Variants in CDH4 observed in about 807,000 individuals in gnomAD.
The protein encoded by CDH4 is cadherin 4, also known as cadherin-4.
CDH4 carries 33 observed loss-of-function variants against 86.0 expected under a neutral mutation model. The observed-to-expected ratio is 0.38, with a 90% CI of 0.29 to 0.51. The LOEUF is 0.51. Among genes scored for constraint, CDH4 ranks in the 20% least tolerant of loss-of-function variants. The pLI is 0.86. For synonymous variants in CDH4, 555 were observed against 549.4 expected, an observed-to-expected ratio of 1.01 and a Z score of -0.14; for missense variants, 1,114 against 1,307.4, an observed-to-expected ratio of 0.85 and a Z score of 2.28.
At chr20:61,635,268 G>A (rs1027181045) in intron 2 of CDH4, among the ~76,000 whole-genome samples, 1 of 152,186 alleles carries the variant, frequency 6.6e-6, no homozygotes, top group African/African-American at 2.4e-5. Context: ...GATGCACAAG[G>A]CGTCCCCTTT....
chr20:61,316,348 C>T (rs781263581), intron 2 of CDH4, among the ~76,000 whole-genome samples: 8 of 152,226 alleles, frequency 5.3e-5, no homozygotes, highest in South Asian at 2.1e-4. Flanking sequence ...AGATAGAGAC[C>T]GCCGCGCTGA....
At chr20:61,387,425 CACAGCCACACAAACAGAGAA>C (rs1263062855) in intron 2 of CDH4, among the ~76,000 whole-genome samples, 4 of 151,286 alleles carry the variant, frequency 2.6e-5, no homozygotes, top group African/African-American at 7.4e-5. Flanking sequence ...CACAGAGACA[CACAGCCACACAAACAGAGAA>C]ACACACAGCC....
At chr20:61,427,820 G>A (rs562983123) in intron 2 of CDH4, among the ~76,000 whole-genome samples, 2 of 152,154 alleles carry the variant, frequency 1.3e-5, no homozygotes, top group Middle Eastern at 3.4e-3. Flanking sequence ...AGGACCTCCA[G>A]TTACCATATG....
chr20:61,690,448 G>A (rs926658336), intron 2 of CDH4, among the ~76,000 whole-genome samples: 7 of 152,174 alleles, frequency 4.6e-5, no homozygotes, highest in Non-Finnish European at 8.8e-5. Flanking sequence ...CCAGGAGGGA[G>A]GGGCTACAGG....
At chr20:61,585,643 A>ATGATGG (rs1226524145) in intron 2 of CDH4, among the ~76,000 whole-genome samples, 2 of 151,512 alleles carry the variant, frequency 1.3e-5, no homozygotes, top group South Asian at 2.1e-4. Flanking sequence ...GATGGTGATG[A>ATGATGG]TGATGGTGAT....
intron 2 of CDH4, among the ~76,000 whole-genome samples, chr20:61,295,133 C>T (rs897914398): frequency 6.6e-6 from 1 of 152,164 alleles, no homozygotes; most frequent in Admixed American, 6.5e-5. Flanking sequence ...AACACATTTG[C>T]ATGTATTGAT....
rs1401861817 is a variant in CDH4, at chr20:61,377,861, C to G, written c.169+122924C>G. ...GTAGCAGAAGGGAGATCAATGCAGC[C>G]CTGCCAATTAGCGGGGAATTAGCTC... On this transcript the variant is annotated intron_variant, in intron 2 of 15. Coordinates refer to ENST00000614565, the MANE Select transcript of CDH4 (RefSeq NM_001794.5). The surrounding 1 kb of genome is among the most constrained non-coding windows in gnomAD (Gnocchi z 4.0). Among the ~76,000 whole-genome samples, 1 of 152,214 alleles carries G rather than the reference C, an allele frequency of 6.6e-6. No individual in the cohort carries two copies. Among genetic ancestry groups the G allele is most frequent in the Admixed American group, 6.5e-5 (1 of 15,292 alleles).
chr20:61,433,117 G>A (rs994000129), intron 2 of CDH4, among the ~76,000 whole-genome samples: 36 of 152,134 alleles, frequency 2.4e-4, no homozygotes, highest in Admixed American at 7.9e-4. Context: ...AGGATTAAAG[G>A]CATGAGCCAC....
intron 2 of CDH4, among the ~76,000 whole-genome samples, chr20:61,672,647 C>T (rs1304666622): frequency 2.6e-5 from 4 of 152,088 alleles, no homozygotes; most frequent in South Asian, 2.1e-4. Flanking sequence ...AAGTCTGAGC[C>T]GAGTCTCTGG....
intron 2 of CDH4, among the ~76,000 whole-genome samples, chr20:61,550,409 C>T (rs903424145): frequency 6.6e-6 from 1 of 152,238 alleles, no homozygotes; most frequent in African/African-American, 2.4e-5. Context: ...CTGCTCTCAG[C>T]CACTGCCTCC....
At chr20:61,545,291 C>G (rs771851995) in intron 2 of CDH4, among the ~76,000 whole-genome samples, 4 of 152,256 alleles carry the variant, frequency 2.6e-5, no homozygotes, top group Non-Finnish European at 4.4e-5. Context: ...GTCCAACATG[C>G]GTACATTTGG....
At chr20:61,702,021 G>T (rs946126253) in intron 2 of CDH4, among the ~76,000 whole-genome samples, 1 of 152,198 alleles carries the variant, frequency 6.6e-6, no homozygotes, top group African/African-American at 2.4e-5. Context: ...ACCTCACGGA[G>T]GTCTTGATAA....
chr20:61,924,761 C>T (rs2055026528), intron 11 of CDH4, among the ~76,000 whole-genome samples: 1 of 152,188 alleles, frequency 6.6e-6, no homozygotes, highest in African/African-American at 2.4e-5. Context: ...GGTCTTTCCC[C>T]CCAACGTCAC....
At chr20:61,876,430 T>C (rs1468418710) in intron 7 of CDH4, among the ~76,000 whole-genome samples, 1 of 152,124 alleles carries the variant, frequency 6.6e-6, no homozygotes, top group Non-Finnish European at 1.5e-5. Context: ...CAACGTCCAA[T>C]TGGAGAGGCA....
rs1383311218 is a variant in CDH4 at position 61,566,247 on chromosome 20, G to C, written c.170-177316G>C. On this transcript the variant is annotated intron_variant, in intron 2 of 15. Coordinates refer to ENST00000614565, the MANE Select transcript of CDH4 (RefSeq NM_001794.5). Reference sequence around the variant, plus strand: ...GCTGTTTCCCACCATGTCTGACCATGAGCCGCCTTTTTAAGGAAAGCAGAT... The same window carrying C: ...GCTGTTTCCCACCATGTCTGACCATCAGCCGCCTTTTTAAGGAAAGCAGAT... 2.0e-5 allele frequency among the ~76,000 whole-genome samples: 3 copies of C among 152,328 alleles called. No individual in the cohort carries two copies. In the East Asian group the frequency reaches 5.8e-4, roughly 29 times the overall value.
intron 9 of CDH4, among the ~76,000 whole-genome samples, chr20:61,919,821 G>A (rs566075614): frequency 5.5e-5 from 8 of 146,052 alleles, no homozygotes; most frequent in African/African-American, 7.7e-5. Context: ...GAAGTGTGTC[G>A]TGATTGCATG....
At chr20:61,454,615 T>G (rs1271316575) in intron 2 of CDH4, among the ~76,000 whole-genome samples, 1 of 152,148 alleles carries the variant, frequency 6.6e-6, no homozygotes, top group Non-Finnish European at 1.5e-5. Flanking sequence ...CCAGCTAATT[T>G]TTTGTATTTC....
chr20:61,696,966 A>G (rs1474266724), intron 2 of CDH4, among the ~76,000 whole-genome samples: 1 of 152,188 alleles, frequency 6.6e-6, no homozygotes, highest in East Asian at 1.9e-4. Context: ...CCGAGACTGG[A>G]CTAATGCAGC....
chr20:61,255,028 C>CT, intron 2 of CDH4, 91 bp downstream of exon 2: 1 of 789,344 alleles, frequency 1.3e-6, no homozygotes, highest in Non-Finnish European at 2.2e-6. Context: ...CTTGCCTCAT[C>CT]TTTGTGCTCT....
Sources: allele counts gnomAD v4.1 joint callset (sites outside exome capture counted in the v4.1 genomes callset), GRCh38; gene constraint gnomAD v4.1.1; non-coding constraint Gnocchi (gnomAD v3.1); transcripts MANE v1.5; gene names NCBI Gene and HGNC (gene_info 2026-07-23, HGNC 2026-07-21).